The following STRIP2 variants were observed in gnomAD, a reference collection of about 807,000 sequenced individuals.
STRIP2 encodes the protein striatin-interacting protein 2.
Under a neutral mutation model 107.1 loss-of-function variants are expected in STRIP2, and 84 were observed. The observed-to-expected ratio is 0.78, with a 90% confidence interval of 0.66 to 0.94. The LOEUF (loss-of-function observed/expected upper bound fraction) is 0.94, where lower values mean the gene tolerates loss of function less well. Ranked by LOEUF, STRIP2 falls within the 40% of genes least tolerant of loss-of-function variation. The pLI is 0.00. For synonymous variants in STRIP2, 394 were observed against 400.4 expected (o/e 0.98, Z 0.19); for missense variants, 888 against 1,034.2 (o/e 0.86, Z 1.94).
intron 13 of STRIP2, 74 bp from the exon 14 acceptor site, chr7:129,462,889 ACCC>A: frequency 8.9e-7 from 1 of 1,126,882 alleles, no homozygotes; most frequent in Non-Finnish European, 1.3e-6. Context: ...TTTTCAGGTC[ACCC>A]CTCACAACCA....
At position 129,453,322 on chromosome 7, in the gene STRIP2, C is replaced by G. The variant is rs765124595; in HGVS notation, c.505C>G (p.Leu169Val). The G allele has an allele frequency of 8.7e-6, 14 of 1,614,116 alleles. No individual in the cohort carries two copies. The highest frequency in any genetic ancestry group is 1.2e-5 in the Non-Finnish European group (14 of 1,179,988). The change falls in exon 5 of 21, where the codon CTG (leucine) becomes GTG (valine). Residue 169 changes from leucine to valine, a missense_variant. Transcript: ENST00000249344. Reference protein sequence around the residue: ...LYQMGTFSTFLELLHMEIDNS... With the variant: ...LYQMGTFSTFVELLHMEIDNS... ...TCAGATGGGGACCTTCTCCACCTTC[C>G]TGGAGCTACTCCACATGGAAATTGA... is the stretch of plus-strand genomic sequence containing the variant.
chr7:129,464,570 T>C, intron 15 of STRIP2, 42 bp from the exon 16 acceptor site: 1 of 1,612,234 alleles, frequency 6.2e-7, no homozygotes, highest in African/African-American at 1.3e-5. Context: ...GGGCTCCCTT[T>C]AAGGCCACTC....
intron 18 of STRIP2, among the ~76,000 whole-genome samples, chr7:129,477,016 A>G (rs1039182631): frequency 1.3e-5 from 2 of 151,630 alleles, no homozygotes; most frequent in Non-Finnish European, 2.9e-5. Context: ...CCACCAAAAA[A>G]ATACGAAAAC....
chr7:129,477,633 T>C (rs926312006), intron 18 of STRIP2, among the ~76,000 whole-genome samples: 3 of 152,210 alleles, frequency 2.0e-5, no homozygotes, highest in African/African-American at 7.2e-5. Flanking sequence ...GAACCATTAC[T>C]CTCTTTTAAG....
At chr7:129,450,766 C>G (rs1379683452) in intron 3 of STRIP2, among the ~76,000 whole-genome samples, 1 of 152,108 alleles carries the variant, frequency 6.6e-6, no homozygotes, top group Non-Finnish European at 1.5e-5. Context: ...AGGGCCTTCT[C>G]TGCAGCCTAT....
Position 129,458,091 on chromosome 7 carries a change from G to A in STRIP2, c.1039-124G>A, listed in dbSNP as rs567059682. Reference sequence around the variant, plus strand: ...TTAAGGTGGGGAATTGGATGTTTTCGCAAGGGCTGTGTTCAGATTCCATGT... The same window carrying A: ...TTAAGGTGGGGAATTGGATGTTTTCACAAGGGCTGTGTTCAGATTCCATGT... On this transcript the variant is annotated intron_variant, in intron 9 of 20. Coordinates refer to ENST00000249344, the MANE Select transcript of STRIP2 (RefSeq NM_020704.3). This position sits in a 1 kb window ranked among gnomAD's most constrained non-coding sequence, Gnocchi z 4.6. 1.4e-4 allele frequency: 108 copies of A among 787,484 alleles called. No homozygotes were observed. Among genetic ancestry groups the A allele is most frequent in the South Asian group, 9.4e-4 (64 of 68,142 alleles). 48.8% of individuals were successfully genotyped at this position (787,484 alleles called of 1,614,324 possible). A position where few individuals can be genotyped will look rare whatever the true frequency, so the allele number is the denominator to read the frequency against.
chr7:129,455,672 A>T (rs1266696255), intron 8 of STRIP2, among the ~76,000 whole-genome samples: 1 of 152,180 alleles, frequency 6.6e-6, no homozygotes, highest in Non-Finnish European at 1.5e-5. Flanking sequence ...AAGTTGGTAG[A>T]TCTGGGCTTT....
rs908111317 is a variant in STRIP2 at position 129,485,775 on chromosome 7, G to A, written c.2451G>A (p.Glu817=). 1.2e-6 allele frequency: 2 copies of A among 1,614,214 alleles called. No individual in the cohort carries two copies. Among genetic ancestry groups the A allele is most frequent in the East Asian group, 2.2e-5 (1 of 44,892 alleles). Residue 817 remains glutamate (E), a synonymous_variant, in exon 21 of 21, where the codon GAG becomes GAA. Transcript: ENST00000249344. ...ACTATTCATATGAGCTCTGGCTCGAGAGAGAGGTGTTTTCACAGCCCATCT... is the reference window on the plus strand; with the variant it reads ...ACTATTCATATGAGCTCTGGCTCGAAAGAGAGGTGTTTTCACAGCCCATCT... ...DFHYSYELWL[E]REVFSQPICW... is the part of the protein sequence containing the mutation.
chr7:129,456,232 G>A (rs1379468455), intron 8 of STRIP2, among the ~76,000 whole-genome samples: 1 of 141,656 alleles, frequency 7.1e-6, no homozygotes, highest in African/African-American at 2.6e-5. Context: ...AGTAAATAAT[G>A]CCTTATCCTG....
intron 17 of STRIP2, among the ~76,000 whole-genome samples, 184 bp from the exon 18 acceptor site, chr7:129,470,465 A>G (rs1042366147): frequency 1.3e-5 from 2 of 152,178 alleles, no homozygotes; most frequent in Admixed American, 6.5e-5. Context: ...TCCTCTCATG[A>G]CAGGAAAGGA....
chr7:129,472,776 C>CTTTTTTTTTTTTTTT (rs1798822125), intron 18 of STRIP2, among the ~76,000 whole-genome samples: 1 of 78,264 alleles, frequency 1.3e-5, no homozygotes, highest in African/African-American at 4.8e-5. Flanking sequence ...TTTTCTTTTC[C>CTTTTTTTTTTTTTTT]TTTTTTTTTT....
At chr7:129,456,966 G>C (rs1798378000) in intron 9 of STRIP2, among the ~76,000 whole-genome samples, 1 of 152,080 alleles carries the variant, frequency 6.6e-6, no homozygotes, top group African/African-American at 2.4e-5. Context: ...TGGGGATAGG[G>C]ACCCAGGATA....
Position 129,472,681 on chromosome 7 carries a change from A to T in STRIP2, c.1944+1966A>T, listed in dbSNP as rs547269060. 3.3e-5 allele frequency among the ~76,000 whole-genome samples: 5 copies of T among 151,264 alleles called. No individual in the cohort carries two copies. The East Asian group carries it at 9.8e-4, about 30-fold the overall frequency. On this transcript the variant is annotated intron_variant, in intron 18 of 20. Coordinates refer to ENST00000249344, the MANE Select transcript of STRIP2 (RefSeq NM_020704.3). ...TGCTCAGAAAAACACTAATGTTCAT[A>T]TGAGTAAGATATATCTGTTTTTTTC...
chr7:129,443,748 G>C (rs1797962279), intron 2 of STRIP2, among the ~76,000 whole-genome samples: 1 of 152,220 alleles, frequency 6.6e-6, no homozygotes, highest in Admixed American at 6.5e-5. Flanking sequence ...TAAGCTCTCT[G>C]TGCTGCAGTC....
chr7:129,446,644 T>A (rs1798043241), intron 3 of STRIP2, among the ~76,000 whole-genome samples: 1 of 152,286 alleles, frequency 6.6e-6, no homozygotes, highest in South Asian at 2.1e-4. Flanking sequence ...CCTGGTCTTC[T>A]CTTCCTCTGT....
chr7:129,453,355 G>A lies in STRIP2; in HGVS notation c.530+8G>A, dbSNP rs1798250248. The A allele has an allele frequency of 1.2e-6, 2 of 1,614,078 alleles. No homozygotes were observed. The highest frequency in any genetic ancestry group is 2.2e-5 in the East Asian group (1 of 44,878). On this transcript the variant is annotated splice_region_variant and intron_variant, in intron 5 of 20. Coordinates refer to ENST00000249344, the MANE Select transcript of STRIP2 (RefSeq NM_020704.3). ...ACTCCACATGGAAATTGAGTGAGAAGCCTTAGGGGAAGGGCTGGCCTACAT... is the reference window on the plus strand; with the variant it reads ...ACTCCACATGGAAATTGAGTGAGAAACCTTAGGGGAAGGGCTGGCCTACAT...
At chr7:129,457,172 AAT>A (rs1177785314) in intron 9 of STRIP2, among the ~76,000 whole-genome samples, 24 of 152,308 alleles carry the variant, frequency 1.6e-4, no homozygotes, top group African/African-American at 5.8e-4. Flanking sequence ...CAATCTGAAA[AAT>A]GTGTCATTAT....
chr7:129,465,495 A>G (rs530586747), intron 16 of STRIP2, among the ~76,000 whole-genome samples: 2 of 152,210 alleles, frequency 1.3e-5, no homozygotes, highest in Non-Finnish European at 2.9e-5. Flanking sequence ...TGACACAGGA[A>G]GCTGGAGGAA....
At chr7:129,485,277 A>G (rs1388794818) in intron 20 of STRIP2, among the ~76,000 whole-genome samples, 1 of 152,112 alleles carries the variant, frequency 6.6e-6, no homozygotes, top group East Asian at 1.9e-4. Flanking sequence ...ACAATAGAAG[A>G]AGTCCACCTC....
Sources: allele counts gnomAD v4.1 joint callset (sites outside exome capture counted in the v4.1 genomes callset), GRCh38; gene constraint gnomAD v4.1.1; non-coding constraint Gnocchi (gnomAD v3.1); transcripts MANE v1.5; gene names NCBI Gene and HGNC (gene_info 2026-07-23, HGNC 2026-07-21).